Variants in DIPK1C observed in about 807,000 individuals in gnomAD.
The protein encoded by DIPK1C is familial non-conventional Alzheimer's dementia.
DIPK1C carries 33 observed loss-of-function variants against 28.0 expected under a neutral mutation model. That is an observed-to-expected ratio of 1.18 (90% CI 0.89 to 1.58). The LOEUF is 1.58. DIPK1C is among the 40% of genes most tolerant of loss of function. The pLI is 0.00. For missense variants in DIPK1C, 569 were observed against 568.5 expected (o/e 1.00, Z -0.01); for synonymous variants, 255 against 248.8 (o/e 1.02, Z -0.23).
rs1311355692 is a variant in DIPK1C at position 74,447,692 on chromosome 18, T to C, written c.199-409A>G. 6.6e-6 allele frequency among the ~76,000 whole-genome samples: 1 copy of C among 152,140 alleles called. No homozygotes were observed. The highest frequency in any genetic ancestry group is 1.5e-5 in the Non-Finnish European group (1 of 68,012). On this transcript the variant is annotated intron_variant, in intron 1 of 3. Coordinates refer to ENST00000343998, the MANE Select transcript of DIPK1C (RefSeq NM_001044369.3). This position sits in a 1 kb window ranked among gnomAD's most constrained non-coding sequence, Gnocchi z 4.1. ...TGGGAGAGCTTCTAAGTCCCACATC[T>C]AAGCAGCTAGGTCAGGTCTCAGCAG...
At chr18:74,445,217 C>T (rs746369985) in intron 2 of DIPK1C, among the ~76,000 whole-genome samples, 7 of 152,236 alleles carry the variant, frequency 4.6e-5, no homozygotes, top group East Asian at 1.9e-4. Flanking sequence ...GGCTGTGGGT[C>T]GTTTCCCCCC....
At chr18:74,453,714 A>T (rs1054291518) in intron 1 of DIPK1C, among the ~76,000 whole-genome samples, 3 of 152,190 alleles carry the variant, frequency 2.0e-5, no homozygotes, top group Non-Finnish European at 4.4e-5. Flanking sequence ...TAGGGTTTCC[A>T]TTATTAGAGA....
chr18:74,451,164 C>T (rs73972919), intron 1 of DIPK1C, among the ~76,000 whole-genome samples: 2,187 of 152,270 alleles, frequency 0.014, 50 homozygotes, highest in African/African-American at 0.048. Flanking sequence ...AGCTGAGTCA[C>T]GGAGAAGAAC....
rs1599038615 is a variant in DIPK1C, at chr18:74,446,870, G to C, written c.612C>G (p.Asp204Glu). Residue 204 changes from aspartate to glutamate, a missense_variant, in exon 2 of 4, where the codon GAC becomes GAG. Coordinates refer to ENST00000343998, the MANE Select transcript of DIPK1C (RefSeq NM_001044369.3). Reference protein sequence around the residue: ...EEYVYFSLLQDLSPHVLPVLG... With the variant: ...EEYVYFSLLQELSPHVLPVLG... Reference sequence around the variant, plus strand: ...GCACGGGCAGCACGTGTGGGCTCAGGTCCTGCAGCAGGCTGAAGTAGACGT... The same window carrying C: ...GCACGGGCAGCACGTGTGGGCTCAGCTCCTGCAGCAGGCTGAAGTAGACGT... 1 of 1,519,656 alleles carries C rather than the reference G, an allele frequency of 6.6e-7. No homozygotes were observed. The highest frequency in any genetic ancestry group is 1.2e-5 in the South Asian group (1 of 80,382). 94.1% of individuals were successfully genotyped at this position (1,519,656 alleles called of 1,614,324 possible).
chr18:74,462,476 C>G (rs116026718), upstream of DIPK1C, among the ~76,000 whole-genome samples: 2 of 152,162 alleles, frequency 1.3e-5, no homozygotes, highest in Non-Finnish European at 2.9e-5. Context: ...CAGTGTTATC[C>G]GCTCTTCAGT....
At chr18:74,450,849 A>G (rs1269418847) in intron 1 of DIPK1C, among the ~76,000 whole-genome samples, 2 of 152,262 alleles carry the variant, frequency 1.3e-5, no homozygotes, top group African/African-American at 4.8e-5. Context: ...GGGCAGGGCC[A>G]CAGTGAGGCT....
rs1388903551 is a variant in DIPK1C at position 74,435,469 on chromosome 18, A to G, written c.*1032T>C. 1 of 152,184 alleles carries G rather than the reference A, an allele frequency of 6.6e-6. No homozygotes were observed. Among genetic ancestry groups the G allele is most frequent in the African/African-American group, 2.4e-5 (1 of 41,450 alleles). The allele number at this position is 152,184 out of a possible 1,614,324, so 9.4% of individuals were successfully genotyped here. On this transcript the variant is annotated 3_prime_UTR_variant, in exon 4 of 4. Transcript: ENST00000343998. ...TTTGATGCCTATCACTTGGTCTTCA[A>G]TCCATCAAAAGAAAGGTGCTGGTCT...
rs138732196 is a variant in DIPK1C, at chr18:74,438,265, G to A, written c.1042-1546C>T. ...TACTTCTAAAATGTGTGCGTGTGTC[G>A]TAAGTTATTTAACCAGTTCCCTATT... On this transcript the variant is annotated intron_variant, in intron 3 of 3. Coordinates refer to ENST00000343998, the MANE Select transcript of DIPK1C (RefSeq NM_001044369.3). Among the ~76,000 whole-genome samples the A allele has an allele frequency of 4.2e-3, 643 of 152,334 alleles. 6 individuals carry two copies. The highest frequency in any genetic ancestry group is 0.014 in the African/African-American group (598 of 41,564).
chr18:74,449,370 C>A (rs1420394484), intron 1 of DIPK1C, among the ~76,000 whole-genome samples: 1 of 152,170 alleles, frequency 6.6e-6, no homozygotes, highest in Non-Finnish European at 1.5e-5. Context: ...CACCTGGCCC[C>A]AAAACAGCAG....
rs1164735953 is a variant in DIPK1C at position 74,447,332 on chromosome 18, C to A, written c.199-49G>T. ...CACCATGGGGAGGGCCTGGTGCCATCCGTCTCTCGGCTCGGGTTAGGGAAG... is the reference window on the plus strand; with the variant it reads ...CACCATGGGGAGGGCCTGGTGCCATACGTCTCTCGGCTCGGGTTAGGGAAG... On this transcript the variant is annotated intron_variant, in intron 1 of 3. Coordinates refer to ENST00000343998, the MANE Select transcript of DIPK1C (RefSeq NM_001044369.3). This position sits in a 1 kb window ranked among gnomAD's most constrained non-coding sequence, Gnocchi z 4.1. 6.8e-7 allele frequency: 1 copy of A among 1,465,752 alleles called. No homozygotes were observed. 90.8% of individuals were successfully genotyped at this position (1,465,752 alleles called of 1,614,324 possible). A position where few individuals can be genotyped will look rare whatever the true frequency, so the allele number is the denominator to read the frequency against.
chr18:74,456,772 C>G (rs975935604), intron 1 of DIPK1C, among the ~76,000 whole-genome samples: 3 of 152,226 alleles, frequency 2.0e-5, no homozygotes, highest in African/African-American at 7.2e-5. Flanking sequence ...TCTTCCGGAG[C>G]TCGGGCTCAG....
At chr18:74,457,379 G>T, upstream of DIPK1C, 1 of 741,510 alleles carries the variant, frequency 1.3e-6, no homozygotes, top group Non-Finnish European at 1.6e-6. Context: ...GGGGCCGCGC[G>T]AGGGTTGGGG....
At chr18:74,460,474 C>G (rs1170776795), upstream of DIPK1C, among the ~76,000 whole-genome samples, 5 of 152,136 alleles carry the variant, frequency 3.3e-5, no homozygotes, top group Non-Finnish European at 5.9e-5. Flanking sequence ...AGAAGGATTG[C>G]AGGTGATTTT....
chr18:74,441,815 C>T, intron 3 of DIPK1C, 137 bp downstream of exon 3: 3 of 1,020,870 alleles, frequency 2.9e-6, no homozygotes, highest in Non-Finnish European at 4.3e-6. Context: ...ACCGTCCTGC[C>T]TTTATTGACC....
chr18:74,449,181 T>C (rs1986341678), intron 1 of DIPK1C, among the ~76,000 whole-genome samples: 1 of 152,208 alleles, frequency 6.6e-6, no homozygotes, highest in Non-Finnish European at 1.5e-5. Context: ...CCTTATGTGG[T>C]GTCAAAACCC....
intron 1 of DIPK1C, among the ~76,000 whole-genome samples, chr18:74,455,572 C>T (rs1015344317): frequency 6.6e-6 from 1 of 151,956 alleles, no homozygotes; most frequent in Non-Finnish European, 1.5e-5. Flanking sequence ...GGGCGGATCG[C>T]CTGAGGTTGG....
At chr18:74,439,996 G>A (rs1178760782) in intron 3 of DIPK1C, among the ~76,000 whole-genome samples, 1 of 147,864 alleles carries the variant, frequency 6.8e-6, no homozygotes, top group Non-Finnish European at 1.5e-5. Context: ...CCAGGCTGGA[G>A]TGCAGTGATG....
chr18:74,455,725 T>TAAAAAA (rs112246757), intron 1 of DIPK1C, among the ~76,000 whole-genome samples: 16 of 116,160 alleles, frequency 1.4e-4, no homozygotes, highest in African/African-American at 4.9e-4. Flanking sequence ...CAAAACTCCA[T>TAAAAAA]AAAAAAAAAA....
upstream of DIPK1C, chr18:74,457,341 C>A (rs1986540892): frequency 1.1e-6 from 1 of 950,868 alleles, no homozygotes; most frequent in African/African-American, 1.8e-5. Flanking sequence ...CGGCTCAGGC[C>A]CGCTCGGCGG....
Sources: gnomAD v4.1 joint callset for allele counts (sites outside exome capture counted in the v4.1 genomes callset) on GRCh38, gnomAD v4.1.1 for gene constraint, Gnocchi (gnomAD v3.1) non-coding constraint, MANE v1.5 for transcripts, NCBI Gene and HGNC (gene_info 2026-07-23, HGNC 2026-07-21) for gene names.